Variants in RPH3A observed in about 807,000 individuals in gnomAD.
RPH3A encodes rabphilin-3A.
A neutral mutation model predicts 102.2 loss-of-function variants in RPH3A; 48 were observed. The observed-to-expected ratio is 0.47, with a 90% CI of 0.37 to 0.60. RPH3A has a LOEUF of 0.60. Among genes scored for constraint, RPH3A ranks in the 20% least tolerant of loss-of-function variants. RPH3A has a pLI of 0.00. For missense variants in RPH3A, 781 were observed against 910.1 expected, an observed-to-expected ratio of 0.86 and a Z score of 1.83; for synonymous variants, 310 against 324.3, an observed-to-expected ratio of 0.96 and a Z score of 0.47.
At chr12:112,649,300 A>T (rs1318640470) in intron 1 of RPH3A, 1 of 152,166 alleles carries the variant, frequency 6.6e-6, no homozygotes, top group Admixed American at 6.5e-5. Context: ...GCACATTTTT[A>T]TTTTGAATTA....
At chr12:112,799,338 T>C (rs2041295693) in intron 2 of RPH3A, among the ~76,000 whole-genome samples, 1 of 152,194 alleles carries the variant, frequency 6.6e-6, no homozygotes, top group Admixed American at 6.5e-5. Context: ...CTGTGAGCTG[T>C]GGTTGTGCCA....
intron 10 of RPH3A, among the ~76,000 whole-genome samples, chr12:112,870,424 G>A (rs955904588): frequency 6.6e-6 from 1 of 151,680 alleles, no homozygotes; most frequent in Non-Finnish European, 1.5e-5. Context: ...GGCCTCTGCT[G>A]TCTGGGCATA....
At chr12:112,591,663 A>C (rs1322106862) in intron 1 of RPH3A, 1 of 152,080 alleles carries the variant, frequency 6.6e-6, no homozygotes, top group East Asian at 1.9e-4. Context: ...CCATTTCTGC[A>C]CTCTGCATTG....
chr12:112,584,945 C>G (rs550398245), intron 1 of RPH3A, among the ~76,000 whole-genome samples: 3 of 152,250 alleles, frequency 2.0e-5, no homozygotes, highest in African/African-American at 7.2e-5. Flanking sequence ...AGCTGAGAAG[C>G]AAGAAAGCCA....
At chr12:112,838,463 G>A (rs540214261) in intron 4 of RPH3A, among the ~76,000 whole-genome samples, 1 of 152,326 alleles carries the variant, frequency 6.6e-6, no homozygotes, top group African/African-American at 2.4e-5. Context: ...AAAAGGTTCT[G>A]TGGTGTGGCT....
At chr12:112,644,256 A>G (rs2039911118) in intron 1 of RPH3A, among the ~76,000 whole-genome samples, 1 of 152,238 alleles carries the variant, frequency 6.6e-6, no homozygotes, top group Non-Finnish European at 1.5e-5. Context: ...AAATATATCC[A>G]TGTAACAAAA....
Position 112,868,441 on chromosome 12 carries a change from T to C in RPH3A, c.456T>C (p.Arg152=). ...CTCTCCTCCCCAAGGTGTGGAAGCG[T>C]TCTGGAGCGTGGTTCTTCAAAGGCT... ...ICIEQREVWK[R]SGAWFFKGFP... Residue 152 remains arginine, a synonymous_variant, in exon 8 of 22, where the codon CGT becomes CGC. Coordinates refer to ENST00000389385, the MANE Select transcript of RPH3A (RefSeq NM_001143854.2). 1 of 1,614,046 alleles carries C rather than the reference T, an allele frequency of 6.2e-7. No individual in the cohort carries two copies. The highest frequency in any genetic ancestry group is 8.5e-7 in the Non-Finnish European group (1 of 1,179,970).
intron 17 of RPH3A, among the ~76,000 whole-genome samples, chr12:112,888,953 T>C (rs1399916393): frequency 6.6e-6 from 1 of 151,642 alleles, no homozygotes; most frequent in Non-Finnish European, 1.5e-5. Flanking sequence ...CTCTGGGCAC[T>C]GGCCAGAGTC....
intron 1 of RPH3A, among the ~76,000 whole-genome samples, chr12:112,694,640 GCGCGCACA>G (rs756221060): frequency 0.18 from 23,530 of 133,160 alleles, 1,989 homozygotes; most frequent in East Asian, 0.24. Context: ...GCACGCGCGC[GCGCGCACA>G]CGCACACACA....
In RPH3A at chr12:112,755,352, C is replaced by A. The variant is rs2040817011; in HGVS notation, c.-139-36791C>A. Among the ~76,000 whole-genome samples the A allele has an allele frequency of 2.7e-5, 4 of 150,296 alleles. No homozygotes were observed. The South Asian group carries it at 8.4e-4, about 32-fold the overall frequency. On this transcript the variant is annotated intron_variant, in intron 1 of 21. Transcript: ENST00000543106. ...ACACACACACACATACATATGCATA[C>A]CTTGTTAAATACACACATATGTGTC...
intron 1 of RPH3A, among the ~76,000 whole-genome samples, chr12:112,771,210 AC>A (rs2040925522): frequency 6.6e-6 from 1 of 152,226 alleles, no homozygotes; most frequent in African/African-American, 2.4e-5. Context: ...TATTTTGGAC[AC>A]TTGTCTTTTA....
chr12:112,812,569 C>A (rs1565895306), intron 2 of RPH3A, among the ~76,000 whole-genome samples: 1 of 152,214 alleles, frequency 6.6e-6, no homozygotes, highest in Non-Finnish European at 1.5e-5. Flanking sequence ...ATCTTGATAG[C>A]TGCATGAATC....
At chr12:112,884,308 GT>G (rs2042971531) in intron 16 of RPH3A, among the ~76,000 whole-genome samples, 1 of 152,166 alleles carries the variant, frequency 6.6e-6, no homozygotes. Flanking sequence ...CCCGATGCAA[GT>G]TGAAGCTCCT....
At chr12:112,884,006 CAT>C (rs34627189) in intron 16 of RPH3A, among the ~76,000 whole-genome samples, 22 of 150,798 alleles carry the variant, frequency 1.5e-4, no homozygotes, top group Non-Finnish European at 2.4e-4. Flanking sequence ...CACTTATTTC[CAT>C]ATATATATAT....
chr12:112,886,972 T>A (rs569446904), intron 16 of RPH3A, among the ~76,000 whole-genome samples: 1 of 152,262 alleles, frequency 6.6e-6, no homozygotes, highest in East Asian at 1.9e-4. Flanking sequence ...CTATGACCCA[T>A]CCAGAAAGGC....
intron 1 of RPH3A, among the ~76,000 whole-genome samples, chr12:112,670,178 C>A (rs1468323274): frequency 6.6e-6 from 1 of 152,094 alleles, no homozygotes; most frequent in East Asian, 1.9e-4. Context: ...GCTTTCAGCT[C>A]TTTGCTTCTT....
intron 1 of RPH3A, among the ~76,000 whole-genome samples, chr12:112,734,980 C>T (rs889973253): frequency 2.0e-5 from 3 of 152,194 alleles, no homozygotes; most frequent in Admixed American, 2.0e-4. Flanking sequence ...CATCCTGTGA[C>T]TCAGAATGCC....
At chr12:112,628,862 G>A (rs1254754751) in intron 1 of RPH3A, among the ~76,000 whole-genome samples, 7 of 152,144 alleles carry the variant, frequency 4.6e-5, no homozygotes. Context: ...ACTTGCAGCA[G>A]TGGGTGAGGG....
intron 1 of RPH3A, among the ~76,000 whole-genome samples, chr12:112,656,393 C>G (rs1355581049): frequency 6.6e-6 from 1 of 152,188 alleles, no homozygotes; most frequent in Non-Finnish European, 1.5e-5. Flanking sequence ...AAGCAAGGTT[C>G]TTAGTGTACT....
Sources: gnomAD v4.1 joint callset for allele counts (sites outside exome capture counted in the v4.1 genomes callset) on GRCh38, gnomAD v4.1.1 for gene constraint, MANE v1.5 for transcripts, NCBI Gene and HGNC (gene_info 2026-07-23, HGNC 2026-07-21) for gene names.